The following CDK13 variants were observed in gnomAD, a reference collection of about 807,000 sequenced individuals.
CDK13 encodes the protein cyclin dependent kinase 13.
CDK13 carries 40 observed loss-of-function variants against 137.6 expected under a neutral mutation model. The ratio of observed to expected loss-of-function variants is 0.29; its 90% CI spans 0.23 to 0.38. The LOEUF (loss-of-function observed/expected upper bound fraction) is 0.38. Among genes scored for constraint, CDK13 ranks in the 10% least tolerant of loss-of-function variants. CDK13 has a pLI of 1.00. For missense variants in CDK13, 1,704 were observed against 1,951.8 expected (o/e 0.87, Z 2.39); for synonymous variants, 869 against 760.1 (o/e 1.14, Z -2.36).
chr7:39,967,543 G>A (rs985792788), intron 1 of CDK13, among the ~76,000 whole-genome samples: 1 of 151,982 alleles, frequency 6.6e-6, no homozygotes, highest in African/African-American at 2.4e-5. Context: ...TGTGAATAAT[G>A]CTGCAATGAA....
chr7:40,097,753 C>G lies in CDK13; in HGVS notation c.*2773C>G, dbSNP rs1196758878. ...TGCATGCAACTCAGTATGTTTCCTA[C>G]GTCTTCATTATTTGTTGGAGAGTTG... is the stretch of plus-strand genomic sequence containing the variant. On this transcript the variant is annotated 3_prime_UTR_variant, in exon 14 of 14. Coordinates refer to ENST00000181839, the MANE Select transcript of CDK13 (RefSeq NM_003718.5). 2 of 152,072 alleles carry G rather than the reference C, an allele frequency of 1.3e-5. No homozygotes were observed. The highest frequency in any genetic ancestry group is 4.8e-5 in the African/African-American group (2 of 41,436). The allele number at this position is 152,072 out of a possible 1,614,324, so 9.4% of individuals were successfully genotyped here. A position where few individuals can be genotyped will look rare whatever the true frequency, so the allele number is the denominator to read the frequency against.
chr7:39,987,870 C>T lies in CDK13; in HGVS notation c.1483C>T (p.Pro495Ser), dbSNP rs766839532. 9 of 1,614,092 alleles carry T rather than the reference C, an allele frequency of 5.6e-6. No homozygotes were observed. The highest frequency in any genetic ancestry group is 1.3e-5 in the African/African-American group (1 of 74,932). The stretch of plus-strand genomic sequence containing the variant: ...TGCAAAAGCTTCAAACACTTCTACA[C>T]CTACCAAGGGGAACACGGAAACTAG... ...KAAKASNTST[P>S]TKGNTETSAS... The change falls in exon 2 of 14, where the codon CCT becomes TCT. Residue 495 changes from proline to serine, a missense_variant. By Grantham distance (74) the Pro-to-Ser change is moderately conservative. Coordinates refer to ENST00000181839, the MANE Select transcript of CDK13 (RefSeq NM_003718.5).
At chr7:40,000,133 T>C (rs1784652632) in intron 4 of CDK13, among the ~76,000 whole-genome samples, 1 of 109,322 alleles carries the variant, frequency 9.1e-6, no homozygotes, top group Admixed American at 9.2e-5. Flanking sequence ...CCTAGCACTT[T>C]GGGAGGCTGA....
At chr7:40,067,852 T>C (rs534937162) in intron 9 of CDK13, 3 of 152,442 alleles carry the variant, frequency 2.0e-5, no homozygotes, top group African/African-American at 4.8e-5. Context: ...CCCAGCACTT[T>C]GGGAGGCTGA....
chr7:40,082,045 A>G (rs1201968052), intron 11 of CDK13, among the ~76,000 whole-genome samples: 1 of 152,240 alleles, frequency 6.6e-6, no homozygotes, highest in Non-Finnish European at 1.5e-5. Context: ...TTCTAGAATG[A>G]GACATATTTC....
intron 9 of CDK13, among the ~76,000 whole-genome samples, 191 bp from the exon 10 acceptor site, chr7:40,077,814 C>T (rs1210362539): frequency 6.6e-6 from 1 of 152,090 alleles, no homozygotes; most frequent in Non-Finnish European, 1.5e-5. Context: ...TGAGATTGTG[C>T]CACTGTACTC....
intron 5 of CDK13, among the ~76,000 whole-genome samples, chr7:40,026,152 A>G (rs890643022): frequency 6.6e-6 from 1 of 152,240 alleles, no homozygotes; most frequent in African/African-American, 2.4e-5. Context: ...TGGCCACTAT[A>G]TCTTTTCTAG....
At chr7:39,968,070 C>T (rs1051921589) in intron 1 of CDK13, among the ~76,000 whole-genome samples, 1 of 152,066 alleles carries the variant, frequency 6.6e-6, no homozygotes, top group Non-Finnish European at 1.5e-5. Context: ...AGGTCCTTTG[C>T]CCGTTTTTGA....
intron 9 of CDK13, among the ~76,000 whole-genome samples, chr7:40,073,902 CTTT>C (rs75410283): frequency 3.1e-5 from 4 of 129,600 alleles, no homozygotes; most frequent in East Asian, 2.3e-4. Flanking sequence ...TCTTTTTTTC[CTTT>C]TTTTTTTTTT....
chr7:40,071,929 G>A (rs773989015), intron 9 of CDK13: 3 of 152,158 alleles, frequency 2.0e-5, no homozygotes, highest in Non-Finnish European at 4.4e-5. Context: ...TTTCTTTGCC[G>A]GTAAAAATAG....
chr7:40,093,597 G>A lies in CDK13; in HGVS notation c.3688+360G>A, dbSNP rs528891870. On this transcript the variant is annotated intron_variant, in intron 13 of 13. Coordinates refer to ENST00000181839, the MANE Select transcript of CDK13 (RefSeq NM_003718.5). ...GTATACGTGAATTCTGCACCTAGCCGTAATTAGCTTTAAAAAGCCAATTAC... is the reference window on the plus strand; with the variant it reads ...GTATACGTGAATTCTGCACCTAGCCATAATTAGCTTTAAAAAGCCAATTAC... Among the ~76,000 whole-genome samples the A allele has an allele frequency of 1.4e-4, 22 of 152,218 alleles. 1 individual carries two copies. The South Asian group carries it at 3.9e-3, about 27-fold the overall frequency.
chr7:39,981,573 G>T (rs1238055917), intron 1 of CDK13, among the ~76,000 whole-genome samples: 1 of 151,994 alleles, frequency 6.6e-6, no homozygotes, highest in African/African-American at 2.4e-5. Context: ...TTAGTTTTAG[G>T]TTCCCAAACC....
intron 5 of CDK13, among the ~76,000 whole-genome samples, chr7:40,005,689 T>C (rs1257711): frequency 0.99 from 151,324 of 152,346 alleles, 75,163 homozygotes; most frequent in South Asian, 1. Context: ...TATTTTTGTG[T>C]AGAAACTTGC....
intron 1 of CDK13, among the ~76,000 whole-genome samples, chr7:39,961,391 A>G (rs1787615073): frequency 6.6e-6 from 1 of 152,176 alleles, no homozygotes; most frequent in African/African-American, 2.4e-5. Context: ...TCAGTATCAG[A>G]ATATGCAGTG....
chr7:40,000,991 T>C (rs1327780462), intron 4 of CDK13, among the ~76,000 whole-genome samples: 1 of 152,156 alleles, frequency 6.6e-6, no homozygotes, highest in African/African-American at 2.4e-5. Flanking sequence ...GAAGAACATA[T>C]ATTTTTGAGA....
chr7:40,081,726 C>T (rs1005678468), intron 11 of CDK13, among the ~76,000 whole-genome samples: 8 of 152,046 alleles, frequency 5.3e-5, no homozygotes, highest in African/African-American at 1.9e-4. Context: ...ACTCTTGTTG[C>T]CTCAGCCTCC....
chr7:40,079,186 C>T (rs956349682), intron 11 of CDK13, among the ~76,000 whole-genome samples: 13 of 152,034 alleles, frequency 8.6e-5, no homozygotes, highest in Admixed American at 3.3e-4. Context: ...TTTGGGAGGC[C>T]GAGGTGGGCG....
chr7:39,971,913 G>T (rs1197787132), intron 1 of CDK13, among the ~76,000 whole-genome samples: 5 of 152,004 alleles, frequency 3.3e-5, no homozygotes, highest in African/African-American at 1.2e-4. Flanking sequence ...AACAAAAAAA[G>T]GTCCAGCCCC....
intron 1 of CDK13, among the ~76,000 whole-genome samples, chr7:39,979,115 G>A (rs555872019): frequency 6.6e-6 from 1 of 152,236 alleles, no homozygotes; most frequent in East Asian, 1.9e-4. Context: ...GCTGAACAGT[G>A]AGGATTAGTT....
Sources: allele counts gnomAD v4.1 joint callset (sites outside exome capture counted in the v4.1 genomes callset), GRCh38; gene constraint gnomAD v4.1.1; transcripts MANE v1.5; gene names NCBI Gene and HGNC (gene_info 2026-07-23, HGNC 2026-07-21).